Variants in ROBO2 observed in about 807,000 individuals in gnomAD.
ROBO2 encodes roundabout guidance receptor 2.
In ROBO2, 53 loss-of-function variants were observed where a neutral mutation model predicts 160.8. The observed-to-expected ratio is 0.33, with a 90% confidence interval of 0.26 to 0.41. The LOEUF (loss-of-function observed/expected upper bound fraction) is 0.41. ROBO2 is among the 10% of genes least tolerant of loss of function. The probability of loss-of-function intolerance (pLI) is 1.00; values close to 1 mark genes in which losing one functional copy is unlikely to be tolerated. For synonymous variants in ROBO2, 664 were observed against 611.7 expected, an observed-to-expected ratio of 1.09 and a Z score of -1.26; for missense variants, 1,577 against 1,722.4, an observed-to-expected ratio of 0.92 and a Z score of 1.49.
intron 2 of ROBO2, among the ~76,000 whole-genome samples, chr3:76,887,177 C>T (rs2073957559): frequency 6.9e-6 from 1 of 145,862 alleles, no homozygotes; most frequent in South Asian, 2.2e-4. Flanking sequence ...GATTGCCCTG[C>T]CTTTGCTTCA....
At chr3:76,926,511 G>A (rs553357105) in intron 2 of ROBO2, among the ~76,000 whole-genome samples, 6 of 152,244 alleles carry the variant, frequency 3.9e-5, no homozygotes, top group East Asian at 3.9e-4. Context: ...GAAGTATATC[G>A]TCTCCTGTGG....
rs925133564 is a variant in ROBO2, at chr3:76,549,338, G to A, written c.110-548676G>A. ...CCATCATTTCCCGTAATTTGGCCCC[G>A]AAGAGCAGACCACAGTGGCTGTGGT... is the stretch of plus-strand genomic sequence containing the variant. On this transcript the variant is annotated intron_variant, in intron 2 of 26. Transcript: ENST00000487694. Among the ~76,000 whole-genome samples the A allele has an allele frequency of 7.2e-5, 11 of 152,106 alleles. No individual in the cohort carries two copies. In the East Asian group the frequency reaches 1.9e-3, roughly 27 times the overall value.
intron 2 of ROBO2, among the ~76,000 whole-genome samples, chr3:76,968,555 A>G (rs1559779093): frequency 6.6e-6 from 1 of 152,184 alleles, no homozygotes; most frequent in African/African-American, 2.4e-5. Flanking sequence ...AATAACAATT[A>G]TTCTAGTTAA....
chr3:76,464,560 A>G (rs1171279130), intron 2 of ROBO2, among the ~76,000 whole-genome samples: 3 of 151,890 alleles, frequency 2.0e-5, no homozygotes, highest in South Asian at 2.1e-4. Flanking sequence ...GTAGGGCTCA[A>G]TGGTGTATTA....
Position 76,825,695 on chromosome 3 carries a change from G to A in ROBO2, c.110-272319G>A, listed in dbSNP as rs12487331. Among the ~76,000 whole-genome samples, 1,197 of 146,038 alleles carry A rather than the reference G, an allele frequency of 8.2e-3. 13 individuals are homozygous for A. The highest frequency in any genetic ancestry group is 0.032 in the Admixed American group (469 of 14,440). The stretch of plus-strand genomic sequence containing the variant: ...GTGTCTGTTTCATAGGATTTCCTGC[G>A]ACCATCTCCTCAATGACCCTGTCAT... On this transcript the variant is annotated intron_variant, in intron 2 of 26. Coordinates refer to the ROBO2 transcript ENST00000487694.
chr3:76,007,478 T>C (rs1456384987), intron 2 of ROBO2, among the ~76,000 whole-genome samples: 3 of 152,176 alleles, frequency 2.0e-5, no homozygotes, highest in Non-Finnish European at 2.9e-5. Flanking sequence ...AGTGTACTTA[T>C]GTTAAGTGTA....
chr3:77,147,943 A>G (rs2077245221), intron 2 of ROBO2, among the ~76,000 whole-genome samples: 1 of 152,214 alleles, frequency 6.6e-6, no homozygotes. Context: ...AAGAACTTCA[A>G]GCTGTCACCA....
At chr3:76,021,334 G>A (rs1459026389) in intron 2 of ROBO2, among the ~76,000 whole-genome samples, 1 of 151,722 alleles carries the variant, frequency 6.6e-6, no homozygotes, top group Non-Finnish European at 1.5e-5. Context: ...AATTTGAGGT[G>A]AAAGTTCACC....
intron 23 of ROBO2, among the ~76,000 whole-genome samples, chr3:77,623,674 A>G (rs1299356320): frequency 1.3e-5 from 2 of 152,214 alleles, no homozygotes; most frequent in African/African-American, 4.8e-5. Flanking sequence ...GCACAAGTTA[A>G]AATCTTCAAA....
At chr3:76,220,441 A>T (rs1703890587) in intron 2 of ROBO2, among the ~76,000 whole-genome samples, 1 of 151,984 alleles carries the variant, frequency 6.6e-6, no homozygotes, top group Non-Finnish European at 1.5e-5. Flanking sequence ...TCACACAGGG[A>T]TTAGTGCCTT....
intron 2 of ROBO2, among the ~76,000 whole-genome samples, chr3:76,392,802 A>T (rs890595977): frequency 6.6e-6 from 1 of 152,190 alleles, no homozygotes; most frequent in African/African-American, 2.4e-5. Context: ...GCTGGGATAA[A>T]AATCACTTCA....
chr3:77,526,538 G>A (rs1370252082), intron 6 of ROBO2, among the ~76,000 whole-genome samples: 2 of 151,442 alleles, frequency 1.3e-5, no homozygotes, highest in Non-Finnish European at 3.0e-5. Context: ...TTTGTCTATT[G>A]CTTTTGTATA....
At chr3:77,126,331 T>C (rs772256602) in intron 2 of ROBO2, among the ~76,000 whole-genome samples, 1 of 152,180 alleles carries the variant, frequency 6.6e-6, no homozygotes, top group Non-Finnish European at 1.5e-5. Context: ...AGGAGTGTTA[T>C]TATAGAAGCA....
intron 2 of ROBO2, among the ~76,000 whole-genome samples, chr3:77,298,821 G>A (rs2062385577): frequency 6.6e-6 from 1 of 152,130 alleles, no homozygotes; most frequent in African/African-American, 2.4e-5. Context: ...AATAGATAAA[G>A]CAATAGACCC....
chr3:75,975,308 A>T (rs1485751725), intron 2 of ROBO2, among the ~76,000 whole-genome samples: 1 of 151,472 alleles, frequency 6.6e-6, no homozygotes, highest in Non-Finnish European at 1.5e-5. Context: ...TTGCAAGGCC[A>T]AATTCTTTGT....
At chr3:76,396,510 T>C (rs908840887) in intron 2 of ROBO2, among the ~76,000 whole-genome samples, 16 of 152,032 alleles carry the variant, frequency 1.1e-4, no homozygotes, top group Admixed American at 5.9e-4. Context: ...GGGTATTCAA[T>C]TGGGAAAAGA....
At chr3:76,158,352 C>T (rs1321837771) in intron 2 of ROBO2, among the ~76,000 whole-genome samples, 1 of 151,878 alleles carries the variant, frequency 6.6e-6, no homozygotes, top group Non-Finnish European at 1.5e-5. Flanking sequence ...TAACTATAGG[C>T]TTGTGTTTTT....
intron 2 of ROBO2, among the ~76,000 whole-genome samples, chr3:77,325,938 G>T (rs1370418595): frequency 5.3e-5 from 8 of 152,100 alleles, no homozygotes; most frequent in Non-Finnish European, 1.0e-4. Context: ...TGAGTTACAT[G>T]GTTTTTCCCA....
At chr3:76,016,132 A>T (rs2066398008) in intron 2 of ROBO2, among the ~76,000 whole-genome samples, 2 of 152,086 alleles carry the variant, frequency 1.3e-5, no homozygotes, top group Admixed American at 1.3e-4. Flanking sequence ...TAAAAATTAT[A>T]CCCCATTTTA....
Sources: gnomAD v4.1 joint callset for allele counts (sites outside exome capture counted in the v4.1 genomes callset) on GRCh38, gnomAD v4.1.1 for gene constraint, MANE v1.5 for transcripts, NCBI Gene and HGNC (gene_info 2026-07-23, HGNC 2026-07-21) for gene names.